The following COL14A1 variants were observed in gnomAD, a reference collection of about 807,000 sequenced individuals.
The protein encoded by COL14A1 is collagen alpha-1(XIV) chain.
COL14A1 carries 136 observed loss-of-function variants against 230.3 expected under a neutral mutation model. That is an observed-to-expected ratio of 0.59 (90% CI 0.51 to 0.68). The LOEUF is 0.68. Among genes scored for constraint, COL14A1 ranks in the 30% least tolerant of loss-of-function variants. The probability of loss-of-function intolerance (pLI) is 0.00; values close to 1 mark genes in which losing one functional copy is unlikely to be tolerated. For missense variants in COL14A1, 1,976 were observed against 2,215.8 expected, an observed-to-expected ratio of 0.89 and a Z score of 2.17; for synonymous variants, 792 against 784.1, an observed-to-expected ratio of 1.01 and a Z score of -0.17.
At chr8:120,153,491 C>A (rs886808452) in intron 2 of COL14A1, among the ~76,000 whole-genome samples, 2 of 152,088 alleles carry the variant, frequency 1.3e-5, no homozygotes, top group Non-Finnish European at 1.5e-5. Context: ...CGCCAATAAT[C>A]AAAAAAGAAT....
At chr8:120,339,959 A>G (rs546719801) in intron 42 of COL14A1, among the ~76,000 whole-genome samples, 115 of 150,492 alleles carry the variant, frequency 7.6e-4, no homozygotes, top group African/African-American at 2.7e-3. Flanking sequence ...AATCACTTGA[A>G]CCCAGGAGCC....
chr8:120,326,254 T>C (rs1821665312), intron 40 of COL14A1, among the ~76,000 whole-genome samples: 1 of 152,232 alleles, frequency 6.6e-6, no homozygotes, highest in Non-Finnish European at 1.5e-5. Flanking sequence ...AAAATGTCTC[T>C]GTGTCCCCAA....
chr8:120,307,691 A>G (rs1820895582), intron 36 of COL14A1, among the ~76,000 whole-genome samples: 1 of 152,204 alleles, frequency 6.6e-6, no homozygotes, highest in Non-Finnish European at 1.5e-5. Context: ...GTTTTCAGGG[A>G]AATGAAAATT....
intron 32 of COL14A1, 128 bp from the exon 33 acceptor site, chr8:120,285,733 A>T: frequency 1.5e-6 from 1 of 655,042 alleles, no homozygotes; most frequent in Non-Finnish European, 2.6e-6. Context: ...ACACTTCCTT[A>T]CTCATCACAT....
chr8:120,192,628 T>C (rs1261571782), intron 5 of COL14A1, among the ~76,000 whole-genome samples: 1 of 152,238 alleles, frequency 6.6e-6, no homozygotes, highest in Non-Finnish European at 1.5e-5. Flanking sequence ...CTGGATAATA[T>C]CTTGCAGAGT....
chr8:120,350,632 G>C (rs1370978387), intron 45 of COL14A1, among the ~76,000 whole-genome samples: 2 of 149,570 alleles, frequency 1.3e-5, no homozygotes, highest in Admixed American at 6.6e-5. Flanking sequence ...GATCAAAAGA[G>C]ACAAAGAAGG....
Position 120,300,771 on chromosome 8 carries a change from T to A in COL14A1, c.4354T>A (p.Ser1452Thr), listed in dbSNP as rs1314070246. The change falls in exon 36 of 48, where the codon TCC becomes ACC. Residue 1452 changes from serine (S) to threonine (T), a missense_variant. By Grantham distance (58) the Ser-to-Thr change is moderately conservative. Transcript: ENST00000297848. ...TTGCCCAGACCTTCCCCATTCCTGC[T>A]CCTGTTCTGAAACCAATGAAGTGGC... ...ESCPDLPHSC[S>T]CSETNEVALG... is the part of the protein sequence containing the mutation. 2 of 1,613,618 alleles carry A rather than the reference T, an allele frequency of 1.2e-6. No individual in the cohort carries two copies.
chr8:120,365,919 G>T (rs1823393385), intron 45 of COL14A1, among the ~76,000 whole-genome samples: 1 of 152,174 alleles, frequency 6.6e-6, no homozygotes, highest in Non-Finnish European at 1.5e-5. Flanking sequence ...TAAAAGAGAT[G>T]CCAGGCTATG....
At chr8:120,172,193 C>T (rs62526993) in intron 5 of COL14A1, among the ~76,000 whole-genome samples, 51,488 of 151,876 alleles carry the variant, frequency 0.34, 9,528 homozygotes, top group Admixed American at 0.47. Flanking sequence ...CTCTGTTGCC[C>T]AGACAGGAGT....
chr8:120,328,684 C>T (rs1419389409), intron 40 of COL14A1, among the ~76,000 whole-genome samples: 1 of 152,200 alleles, frequency 6.6e-6, no homozygotes, highest in Non-Finnish European at 1.5e-5. Flanking sequence ...AGTATCCTTC[C>T]AGGGTCATAG....
intron 9 of COL14A1, 76 bp from the exon 10 acceptor site, chr8:120,206,867 T>C: frequency 7.4e-7 from 1 of 1,344,208 alleles, no homozygotes; most frequent in Non-Finnish European, 1.0e-6. Flanking sequence ...TATTTATTTC[T>C]GTCTAATGAG....
intron 2 of COL14A1, among the ~76,000 whole-genome samples, chr8:120,148,673 G>T (rs1381898474): frequency 6.6e-6 from 1 of 152,054 alleles, no homozygotes; most frequent in Admixed American, 6.6e-5. Context: ...CCTTGATTTT[G>T]CCCCTTTTCT....
chr8:120,274,376 A>C (rs1819774516), intron 26 of COL14A1, among the ~76,000 whole-genome samples: 1 of 152,014 alleles, frequency 6.6e-6, no homozygotes, highest in Non-Finnish European at 1.5e-5. Context: ...AATCATACTG[A>C]ATGGAAAAAA....
At chr8:120,265,671 G>A (rs1007686492) in intron 24 of COL14A1, among the ~76,000 whole-genome samples, 1 of 151,722 alleles carries the variant, frequency 6.6e-6, no homozygotes, top group African/African-American at 2.4e-5. Flanking sequence ...GTGTGCGTAA[G>A]TTTTATTTTT....
rs113536778 is a variant in COL14A1, at chr8:120,250,738, C to T, written c.2724C>T (p.Ser908=). Residue 908 remains serine (S), a synonymous_variant, in exon 22 of 48, where the codon AGC becomes AGT. Coordinates refer to ENST00000297848, the MANE Select transcript of COL14A1 (RefSeq NM_021110.4). ...TTGCCTCCCAGGCCTCAGGCTTCAG[C>T]GACGCCCTGACAGGCATGGTGAAAA... ...KIFASQASGF[S]DALTGMVKTL... 4.5e-5 allele frequency: 72 copies of T among 1,614,176 alleles called. No individual in the cohort carries two copies. Among genetic ancestry groups the T allele is most frequent in the African/African-American group, 1.3e-4 (10 of 75,058 alleles).
intron 22 of COL14A1, among the ~76,000 whole-genome samples, chr8:120,251,661 C>T (rs1818963499): frequency 6.6e-6 from 1 of 152,168 alleles, no homozygotes; most frequent in Non-Finnish European, 1.5e-5. Flanking sequence ...GATTGACTTA[C>T]AGTTTTTGAC....
intron 1 of COL14A1, among the ~76,000 whole-genome samples, chr8:120,135,505 T>G (rs1314442753): frequency 6.6e-6 from 1 of 152,204 alleles, no homozygotes; most frequent in Non-Finnish European, 1.5e-5. Context: ...CCTCAGGTGA[T>G]CTGCCTGTCT....
chr8:120,303,077 T>C (rs1313742460), intron 36 of COL14A1, among the ~76,000 whole-genome samples: 3 of 152,278 alleles, frequency 2.0e-5, no homozygotes, highest in East Asian at 3.9e-4. Flanking sequence ...GTGATCTTTG[T>C]GCATTGATTT....
intron 40 of COL14A1, among the ~76,000 whole-genome samples, chr8:120,327,060 T>C (rs530172858): frequency 6.6e-6 from 1 of 152,124 alleles, no homozygotes; most frequent in Non-Finnish European, 1.5e-5. Flanking sequence ...AAAACCCACC[T>C]TTGTTCTTGA....
Sources: allele counts gnomAD v4.1 joint callset (sites outside exome capture counted in the v4.1 genomes callset), GRCh38; gene constraint gnomAD v4.1.1; transcripts MANE v1.5; gene names NCBI Gene and HGNC (gene_info 2026-07-23, HGNC 2026-07-21).